NR2F6: variants seen among roughly 807,000 people sequenced by gnomAD.
NR2F6 encodes the protein nuclear receptor subfamily 2 group F member 6.
Under a neutral mutation model 26.5 loss-of-function variants are expected in NR2F6, and 16 were observed. That is an observed-to-expected ratio of 0.60 (90% confidence interval 0.41 to 0.92). NR2F6 has a LOEUF of 0.92. NR2F6 is among the 40% of genes least tolerant of loss of function. The pLI, the probability that NR2F6 is intolerant of heterozygous loss-of-function variation, is 0.00. For synonymous variants in NR2F6, 325 were observed against 305.0 expected, an observed-to-expected ratio of 1.07 and a Z score of -0.68; for missense variants, 536 against 631.7, an observed-to-expected ratio of 0.85 and a Z score of 1.62.
In NR2F6 at chr19:17,235,148, T is replaced by A. The variant is rs1200562505; in HGVS notation, c.940+351A>T. 2.6e-5 allele frequency among the ~76,000 whole-genome samples: 4 copies of A among 152,162 alleles called. No homozygotes were observed. Among genetic ancestry groups the A allele is most frequent in the Non-Finnish European group, 5.9e-5 (4 of 68,022 alleles). The stretch of plus-strand genomic sequence containing the variant: ...CCCCCCAACCTTGTGCTATCAGTGC[T>A]CACTAAGCCTGAAGAGCCCTTTGGT... On this transcript the variant is annotated intron_variant, in intron 3 of 3. Coordinates refer to ENST00000291442, the MANE Select transcript of NR2F6 (RefSeq NM_005234.4). The surrounding 1 kb of genome is among the most constrained non-coding windows in gnomAD (Gnocchi z 5.0).
At position 17,236,070 on chromosome 19, in the gene NR2F6, G is replaced by A. The variant is rs1271578921; in HGVS notation, c.374-5C>T. ...GGATGCGGCCGCGCTGCACCGCTGC[G>A]GGAGGCGGGGACAGGAGGGACATGG... On this transcript the variant is annotated splice_polypyrimidine_tract_variant and splice_region_variant and intron_variant, in intron 2 of 3. Coordinates refer to ENST00000291442, the MANE Select transcript of NR2F6 (RefSeq NM_005234.4). The A allele has an allele frequency of 5.5e-6, 7 of 1,264,690 alleles. No individual in the cohort carries two copies. Among genetic ancestry groups the A allele is most frequent in the Non-Finnish European group, 4.9e-6 (5 of 1,011,614 alleles). 78.3% of individuals were successfully genotyped at this position (1,264,690 alleles called of 1,614,324 possible).
At chr19:17,238,844 G>A (rs2073453474) in intron 2 of NR2F6, among the ~76,000 whole-genome samples, 1 of 152,136 alleles carries the variant, frequency 6.6e-6, no homozygotes, top group South Asian at 2.1e-4. Flanking sequence ...AAGGTGGGAG[G>A]GTCGCTTCAA....
chr19:17,231,987 GC>G lies in NR2F6; in HGVS notation c.*364del, dbSNP rs1183170214. ...TGCCTGGCACACGCTAGCTACCCCT[GC>G]CCACTGGAGCAGCCCCTCTGGCCGA... On this transcript the variant is annotated 3_prime_UTR_variant, in exon 4 of 4. Coordinates refer to ENST00000291442, the MANE Select transcript of NR2F6 (RefSeq NM_005234.4). 3.5e-6 allele frequency: 1 copy of G among 281,976 alleles called. No individual in the cohort carries two copies. Among genetic ancestry groups the G allele is most frequent in the East Asian group, 9.4e-5 (1 of 10,634 alleles). The allele number at this position is 281,976 out of a possible 1,614,324, so 17.5% of individuals were successfully genotyped here.
At chr19:17,237,927 C>T (rs893151577) in intron 2 of NR2F6, among the ~76,000 whole-genome samples, 1 of 152,118 alleles carries the variant, frequency 6.6e-6, no homozygotes, top group Non-Finnish European at 1.5e-5. Context: ...ATCGCTTGAG[C>T]CCAGGAGTTT....
intron 1 of NR2F6, 79 bp from the exon 2 acceptor site, chr19:17,240,844 G>A: frequency 7.0e-7 from 1 of 1,428,862 alleles, no homozygotes; most frequent in Non-Finnish European, 9.7e-7. Flanking sequence ...CGCCTTTGGA[G>A]GCTGCCCCTC....
Position 17,236,024 on chromosome 19 carries a change from C to A in NR2F6, c.415G>T (p.Val139Leu). Residue 139 changes from valine (V) to leucine (L), a missense_variant, in exon 3 of 4, where the codon GTG (valine) becomes TTG (leucine). By Grantham distance (32) the Val-to-Leu change is conservative. Transcript: ENST00000291442. ...GGGGGGCTGCCCGAGGAGGCGGCCACGGCACCAGGCAGCGAGTGCGGGATG... is the reference window on the plus strand; with the variant it reads ...GGGGGGCTGCCCGAGGAGGCGGCCAAGGCACCAGGCAGCGAGTGCGGGATG... ...GRIPHSLPGA[V>L]AASSGSPPGS... is the part of the protein sequence containing the mutation. The A allele has an allele frequency of 7.2e-7, 1 of 1,386,318 alleles. No individual in the cohort carries two copies. The highest frequency in any genetic ancestry group is 9.3e-7 in the Non-Finnish European group (1 of 1,077,928). 85.9% of individuals were successfully genotyped at this position (1,386,318 alleles called of 1,614,324 possible).
chr19:17,236,350 G>A (rs2073438720), intron 2 of NR2F6, among the ~76,000 whole-genome samples: 2 of 151,306 alleles, frequency 1.3e-5, no homozygotes. Context: ...GGAGACAAAA[G>A]TCATCAAGGG....
At position 17,245,195 on chromosome 19, in the gene NR2F6, C is replaced by A. The variant is rs775524841; in HGVS notation, c.26G>T (p.Gly9Val). Residue 9 changes from glycine to valine, a missense_variant, in exon 1 of 4, where the codon GGC (glycine) becomes GTC (valine). Coordinates refer to ENST00000291442, the MANE Select transcript of NR2F6 (RefSeq NM_005234.4). The surrounding 1 kb of genome is among the most constrained non-coding windows in gnomAD (Gnocchi z 5.0). Reference sequence around the variant, plus strand: ...GCCGTTCGTGTCGCCGCCGGGGCCGCCCCAGCCGCCGGTCACCATGGCCAT... The same window carrying A: ...GCCGTTCGTGTCGCCGCCGGGGCCGACCCAGCCGCCGGTCACCATGGCCAT... Reference protein sequence around the residue: MAMVTGGWGGPGGDTNGVD... With the variant: MAMVTGGWVGPGGDTNGVD... The A allele has an allele frequency of 8.7e-6, 12 of 1,377,310 alleles. No homozygotes were observed. The highest frequency in any genetic ancestry group is 1.1e-5 in the Non-Finnish European group (12 of 1,063,380). 85.3% of individuals were successfully genotyped at this position (1,377,310 alleles called of 1,614,324 possible). A position where few individuals can be genotyped will look rare whatever the true frequency, so the allele number is the denominator to read the frequency against.
At position 17,240,713 on chromosome 19, in the gene NR2F6, A is replaced by G. The variant is rs1230733727; in HGVS notation, c.331T>C (p.Cys111Arg). 6.2e-7 allele frequency: 1 copy of G among 1,614,182 alleles called. No individual in the cohort carries two copies. Among genetic ancestry groups the G allele is most frequent in the Non-Finnish European group, 8.5e-7 (1 of 1,180,034 alleles). ...DQHHRNQCQYCRLKKCFRVGM... is the reference protein window; with the variant it reads ...DQHHRNQCQYRRLKKCFRVGM... ...ACCCGGAAGCACTTCTTGAGACGGC[A>G]GTACTGGCACTGGTTCCGGTGGTGC... The change falls in exon 2 of 4, where the codon TGC (cysteine) becomes CGC (arginine). Residue 111 changes from cysteine (C) to arginine (R), a missense_variant. Physicochemically the swap from Cys to Arg is radical, Grantham distance 180. Transcript: ENST00000291442.
chr19:17,245,114 G>C lies in NR2F6; in HGVS notation c.107C>G (p.Pro36Arg), dbSNP rs2073490790. The C allele has an allele frequency of 6.5e-7, 1 of 1,543,570 alleles. No individual in the cohort carries two copies. Among genetic ancestry groups the C allele is most frequent in the African/African-American group, 1.4e-5 (1 of 70,970 alleles). ...CGGCTCGGCGTCGCTGGCGGCACCG[G>C]GGGGCGAGGCCGAGTCGTCCTCGGC... Reference protein sequence around the residue: ...RAAEDDSASPPGAASDAEPGD... With the variant: ...RAAEDDSASPRGAASDAEPGD... Residue 36 changes from proline to arginine, a missense_variant, in exon 1 of 4, where the codon CCC becomes CGC. Transcript: ENST00000291442. This position sits in a 1 kb window ranked among gnomAD's most constrained non-coding sequence, Gnocchi z 5.0.
chr19:17,241,100 G>T (rs558212680), intron 1 of NR2F6, among the ~76,000 whole-genome samples: 1 of 152,210 alleles, frequency 6.6e-6, no homozygotes, highest in African/African-American at 2.4e-5. Flanking sequence ...GAGCAAAAGG[G>T]TTGAAATACA....
Position 17,245,831 on chromosome 19 carries a change from GGCCTGGGCCTGC to G in NR2F6, c.-623_-612del, listed in dbSNP as rs956208554. On this transcript the variant is annotated 5_prime_UTR_variant, in exon 1 of 4. Coordinates refer to ENST00000291442, the MANE Select transcript of NR2F6 (RefSeq NM_005234.4). This position sits in a 1 kb window ranked among gnomAD's most constrained non-coding sequence, Gnocchi z 5.0. ...GCCCCCGCTGCGGCCGCTCCTGCCT[GGCCTGGGCCTGC>G]GCCTGGGCCCAAGCCTCGCTCTCGC... 1.4e-5 allele frequency: 2 copies of G among 146,550 alleles called. No individual in the cohort carries two copies. Among genetic ancestry groups the G allele is most frequent in the Admixed American group, 6.8e-5 (1 of 14,774 alleles). The allele number at this position is 146,550 out of a possible 1,614,324, so 9.1% of individuals were successfully genotyped here.
At chr19:17,237,410 C>CCTCT (rs751795126) in intron 2 of NR2F6, among the ~76,000 whole-genome samples, 53 of 148,084 alleles carry the variant, frequency 3.6e-4, no homozygotes, top group African/African-American at 1.3e-3. Flanking sequence ...TCTCTCTCTC[C>CCTCT]CTCTCTCTCT....
intron 1 of NR2F6, among the ~76,000 whole-genome samples, chr19:17,242,169 T>G (rs944096982): frequency 6.6e-6 from 1 of 150,946 alleles, no homozygotes; most frequent in Non-Finnish European, 1.5e-5. Context: ...AAATACAAAA[T>G]TAGCCGGGCA....
In NR2F6 at chr19:17,235,907, G is replaced by A; in HGVS notation, c.532C>T (p.Pro178Ser). Residue 178 changes from proline (P) to serine (S), a missense_variant, in exon 3 of 4, where the codon CCC becomes TCC. Coordinates refer to ENST00000291442, the MANE Select transcript of NR2F6 (RefSeq NM_005234.4). The surrounding 1 kb of genome is among the most constrained non-coding windows in gnomAD (Gnocchi z 5.0). Reference sequence around the variant, plus strand: ...AAGCGTCCGGCCGCCGCAGGGTAGGGCTCAGCGCGCAGCAGCTGCGCGATC... The same window carrying A: ...AAGCGTCCGGCCGCCGCAGGGTAGGACTCAGCGCGCAGCAGCTGCGCGATC... ...ELIAQLLRAE[P>S]YPAAAGRFGA... 6.8e-7 allele frequency: 1 copy of A among 1,477,078 alleles called. No homozygotes were observed. The highest frequency in any genetic ancestry group is 8.9e-7 in the Non-Finnish European group (1 of 1,120,978). 91.5% of individuals were successfully genotyped at this position (1,477,078 alleles called of 1,614,324 possible). A position where few individuals can be genotyped will look rare whatever the true frequency, so the allele number is the denominator to read the frequency against.
chr19:17,239,383 G>A (rs1173269132), intron 2 of NR2F6, among the ~76,000 whole-genome samples: 2 of 151,320 alleles, frequency 1.3e-5, no homozygotes, highest in African/African-American at 4.9e-5. Context: ...CGTGCCGGGC[G>A]CGGTGGCTTA....
Position 17,235,692 on chromosome 19 carries a change from C to G in NR2F6, c.747G>C (p.Gln249His), listed in dbSNP as rs2092092712. 6.7e-7 allele frequency: 1 copy of G among 1,490,672 alleles called. No homozygotes were observed. Among genetic ancestry groups the G allele is most frequent in the Admixed American group, 2.4e-5 (1 of 42,088 alleles). The allele number at this position is 1,490,672 out of a possible 1,614,324, so 92.3% of individuals were successfully genotyped here. The change falls in exon 3 of 4, where the codon CAG (glutamine) becomes CAC (histidine). Residue 249 changes from glutamine to histidine, a missense_variant. By Grantham distance (24) the Gln-to-His change is conservative (BLOSUM62 0). Transcript: ENST00000291442. This position sits in a 1 kb window ranked among gnomAD's most constrained non-coding sequence, Gnocchi z 5.0. ...WSELFVLNAAQAALPLHTAPL... is the reference protein window; with the variant it reads ...WSELFVLNAAHAALPLHTAPL... ...GCGCCGTGTGCAGGGGCAGCGCCGC[C>G]TGCGCCGCGTTCAGCACGAAGAGCT...
chr19:17,237,038 G>A (rs1005530915), intron 2 of NR2F6, among the ~76,000 whole-genome samples: 1 of 152,208 alleles, frequency 6.6e-6, no homozygotes, highest in Non-Finnish European at 1.5e-5. Flanking sequence ...GAGCTTTAAT[G>A]AGCTGGCATG....
chr19:17,235,861 G>A lies in NR2F6; in HGVS notation c.578C>T (p.Ala193Val), dbSNP rs776099114. The change falls in exon 3 of 4, where the codon GCG becomes GTG. Residue 193 changes from alanine to valine, a missense_variant. Coordinates refer to ENST00000291442, the MANE Select transcript of NR2F6 (RefSeq NM_005234.4). This position sits in a 1 kb window ranked among gnomAD's most constrained non-coding sequence, Gnocchi z 5.0. ...AGRFGAGGGA[A>V]GAVLGIDNVC... ...GTTGTCGATGCCCAGCACCGCGCCCGCCGCGCCGCCCCCTGCGCCGAAGCG... is the reference window on the plus strand; with the variant it reads ...GTTGTCGATGCCCAGCACCGCGCCCACCGCGCCGCCCCCTGCGCCGAAGCG... 2.0e-6 allele frequency: 3 copies of A among 1,467,746 alleles called. No individual in the cohort carries two copies. Among genetic ancestry groups the A allele is most frequent in the Admixed American group, 2.5e-5 (1 of 40,184 alleles). 90.9% of individuals were successfully genotyped at this position (1,467,746 alleles called of 1,614,324 possible). A position where few individuals can be genotyped will look rare whatever the true frequency, so the allele number is the denominator to read the frequency against.
Sources: allele counts gnomAD v4.1 joint callset (sites outside exome capture counted in the v4.1 genomes callset), GRCh38; gene constraint gnomAD v4.1.1; non-coding constraint Gnocchi (gnomAD v3.1); transcripts MANE v1.5; gene names NCBI Gene and HGNC (gene_info 2026-07-23, HGNC 2026-07-21).